The following TRPV3 variants were observed in gnomAD, a reference collection of about 807,000 sequenced individuals.
TRPV3 encodes the protein transient receptor potential cation channel subfamily V member 3.
In TRPV3, 88 loss-of-function variants were observed where a neutral mutation model predicts 87.1. The observed-to-expected ratio is 1.01, with a 90% CI of 0.85 to 1.21. TRPV3 has a LOEUF of 1.21. Among genes scored for constraint, TRPV3 ranks in the 50% most tolerant of loss-of-function variants. The probability of loss-of-function intolerance (pLI) is 0.00; values close to 1 mark genes in which losing one functional copy is unlikely to be tolerated. For missense variants in TRPV3, 1,054 were observed against 1,030.1 expected (o/e 1.02, Z -0.32); for synonymous variants, 438 against 423.3 (o/e 1.03, Z -0.43).
rs1699138 is a variant in TRPV3, at chr17:3,549,024, T to A, written c.120-3753A>T. The stretch of plus-strand genomic sequence containing the variant: ...CGGCCCTGCAGTGCCCCAGAACTTT[T>A]GCCCTAAAGTAGTCGCTCCGCAACA... On this transcript the variant is annotated intron_variant, in intron 2 of 17. Coordinates refer to ENST00000576742, the MANE Select transcript of TRPV3 (RefSeq NM_145068.4). Among the ~76,000 whole-genome samples the A allele has an allele frequency of 3.9e-5, 6 of 151,980 alleles. No individual in the cohort carries two copies. In the East Asian group the frequency reaches 9.7e-4, roughly 25 times the overall value.
intron 2 of TRPV3, chr17:3,552,580 C>A (rs2074588252): frequency 6.6e-6 from 1 of 152,252 alleles, no homozygotes; most frequent in Non-Finnish European, 1.5e-5. Context: ...CATGAGGGTC[C>A]TCAGAGGGCC....
In TRPV3 at chr17:3,544,506, G is replaced by A. The variant is rs1003646041; in HGVS notation, c.311+73C>T. The A allele has an allele frequency of 1.6e-5, 15 of 928,934 alleles. No homozygotes were observed. In the East Asian group the frequency reaches 4.0e-4, roughly 25 times the overall value. The allele number at this position is 928,934 out of a possible 1,614,324, so 57.5% of individuals were successfully genotyped here. A position where few individuals can be genotyped will look rare whatever the true frequency, so the allele number is the denominator to read the frequency against. On this transcript the variant is annotated intron_variant, in intron 4 of 17. Coordinates refer to ENST00000576742, the MANE Select transcript of TRPV3 (RefSeq NM_145068.4). ...GTGGATTCTTTCTCCTTCCTGCAGG[G>A]CCCCGGATCCTGTCTCTCTGGCACC...
rs532452373 is a variant in TRPV3 at position 3,531,538 on chromosome 17, C to T, written c.1065+1119G>A. Among the ~76,000 whole-genome samples, 16 of 152,318 alleles carry T rather than the reference C, an allele frequency of 1.1e-4. No individual in the cohort carries two copies. The East Asian group carries it at 3.1e-3, about 29-fold the overall frequency. On this transcript the variant is annotated intron_variant, in intron 8 of 17. Transcript: ENST00000576742. The stretch of plus-strand genomic sequence containing the variant: ...GCGGGAGACAGGTGCCTCCCCCGGG[C>T]CGGCCACAGCGGGCACACTGTCCCC...
chr17:3,541,020 AC>A (rs772320271), intron 6 of TRPV3, among the ~76,000 whole-genome samples: 2 of 152,252 alleles, frequency 1.3e-5, no homozygotes, highest in Non-Finnish European at 2.9e-5. Flanking sequence ...AATCACAATT[AC>A]TTTCTCCCAT....
chr17:3,525,621 A>ATT (rs35398071), intron 12 of TRPV3, among the ~76,000 whole-genome samples: 24 of 143,492 alleles, frequency 1.7e-4, no homozygotes, highest in East Asian at 1.6e-3. Flanking sequence ...ACCACAATTA[A>ATT]TTTTTTTTTT....
chr17:3,515,969 C>T (rs1434907113), intron 16 of TRPV3, among the ~76,000 whole-genome samples: 1 of 152,062 alleles, frequency 6.6e-6, no homozygotes, highest in African/African-American at 2.4e-5. Context: ...GGTGGATCAC[C>T]TGAGGTCAGG....
rs528165029 is a variant in TRPV3, at chr17:3,556,126, G to A, written c.-2-1274C>T. Among the ~76,000 whole-genome samples the A allele has an allele frequency of 3.3e-5, 5 of 151,598 alleles. No individual in the cohort carries two copies. Among genetic ancestry groups the A allele is most frequent in the Non-Finnish European group, 5.9e-5 (4 of 67,902 alleles). The stretch of plus-strand genomic sequence containing the variant: ...CAGGAGGCAGAGGTTGGATTGAGCC[G>A]AGATTGTGCCACTGCACTCCAGCCT... On this transcript the variant is annotated intron_variant, in intron 1 of 17. Transcript: ENST00000576742. This position sits in a 1 kb window ranked among gnomAD's most constrained non-coding sequence, Gnocchi z 4.2.
At position 3,543,836 on chromosome 17, in the gene TRPV3, C is replaced by T. The variant is rs322936; in HGVS notation, c.312-208G>A. Among the ~76,000 whole-genome samples the T allele has an allele frequency of 0.88, 133,614 of 152,160 alleles. 60,904 individuals carry two copies. Among genetic ancestry groups the T allele is most frequent in the East Asian group, 0.99 (5,147 of 5,178 alleles). On this transcript the variant is annotated intron_variant, in intron 4 of 17. Transcript: ENST00000576742. The stretch of plus-strand genomic sequence containing the variant: ...CAATCACATTTTGTCAAAATACCTA[C>T]ATTTGGATGCATGAAGTAATGATCA...
At chr17:3,554,885 CG>C (rs2074612963) in intron 1 of TRPV3, 33 bp from the exon 2 acceptor site, 14 of 1,503,198 alleles carry the variant, frequency 9.3e-6, no homozygotes, top group Admixed American at 1.8e-5. Flanking sequence ...ATGCTCAGGC[CG>C]GGGGGACAGG....
In TRPV3 at chr17:3,518,619, A is replaced by C; in HGVS notation, c.2042T>G (p.Val681Gly). The change falls in exon 15 of 18, where the codon GTG becomes GGG. Residue 681 changes from valine to glycine, a missense_variant. By Grantham distance (109) the Val-to-Gly change is moderately radical (BLOSUM62 -3). Coordinates refer to ENST00000576742, the MANE Select transcript of TRPV3 (RefSeq NM_145068.4). The surrounding 1 kb of genome is among the most constrained non-coding windows in gnomAD (Gnocchi z 4.3). ...NMLIALMGET[V>G]ENVSKESERI... ...TTCGCTCTCCTTGGAGACGTTCTCC[A>C]CAGTCTCGCCCATCAGAGCAATGAG... The C allele has an allele frequency of 6.3e-7, 1 of 1,575,512 alleles. No homozygotes were observed. The highest frequency in any genetic ancestry group is 8.6e-7 in the Non-Finnish European group (1 of 1,159,348).
At chr17:3,523,711 T>C (rs12602192) in intron 13 of TRPV3, among the ~76,000 whole-genome samples, 81,111 of 141,956 alleles carry the variant, frequency 0.57, 24,093 homozygotes, top group East Asian at 0.88. Context: ...GAGCAAGACT[T>C]GGTCTCCAAA....
At chr17:3,517,431 C>A (rs1031784889) in intron 15 of TRPV3, among the ~76,000 whole-genome samples, 1 of 151,840 alleles carries the variant, frequency 6.6e-6, no homozygotes. Context: ...CCAGCCTAGG[C>A]AACATGGTGA....
At chr17:3,537,659 T>C (rs1239305968) in intron 6 of TRPV3, among the ~76,000 whole-genome samples, 1 of 152,070 alleles carries the variant, frequency 6.6e-6, no homozygotes, top group African/African-American at 2.4e-5. Flanking sequence ...ATCCCAGCAC[T>C]TTGGGAAGCC....
Position 3,556,608 on chromosome 17 carries a change from T to G in TRPV3, c.-3+1068A>C, listed in dbSNP as rs532788259. ...AATAGGAAAGCTTCCTGGAGGAAGT[T>G]TCCGGAGCCAGGTGTCATCAGGCTG... is the stretch of plus-strand genomic sequence containing the variant. On this transcript the variant is annotated intron_variant, in intron 1 of 17. Coordinates refer to ENST00000576742, the MANE Select transcript of TRPV3 (RefSeq NM_145068.4). This position sits in a 1 kb window ranked among gnomAD's most constrained non-coding sequence, Gnocchi z 4.2. 8.5e-5 allele frequency among the ~76,000 whole-genome samples: 13 copies of G among 152,100 alleles called. No individual in the cohort carries two copies. The highest frequency in any genetic ancestry group is 1.6e-4 in the Non-Finnish European group (11 of 67,992).
intron 6 of TRPV3, 34 bp downstream of exon 6, chr17:3,542,488 T>G (rs778655069): frequency 1.9e-6 from 3 of 1,598,844 alleles, no homozygotes; most frequent in Non-Finnish European, 2.6e-6. Flanking sequence ...CCTCAGAGAC[T>G]CCTGTCTGCA....
chr17:3,525,799 T>C (rs2074294897), intron 12 of TRPV3, among the ~76,000 whole-genome samples: 1 of 151,996 alleles, frequency 6.6e-6, no homozygotes, highest in Admixed American at 6.6e-5. Flanking sequence ...TTTTTGTATT[T>C]TTTGTAGAGA....
intron 14 of TRPV3, among the ~76,000 whole-genome samples, chr17:3,519,690 T>TTGGATGGAAGGATAGATGGA (rs2074222569): frequency 3.1e-5 from 1 of 32,664 alleles, no homozygotes; most frequent in Non-Finnish European, 6.3e-5. Flanking sequence ...GGATGGATGA[T>TTGGATGGAAGGATAGATGGA]TGGATGGATG....
intron 6 of TRPV3, among the ~76,000 whole-genome samples, chr17:3,541,343 A>G (rs1418756119): frequency 6.6e-6 from 1 of 152,186 alleles, no homozygotes; most frequent in Non-Finnish European, 1.5e-5. Flanking sequence ...ACTCCAGCCT[A>G]GGCAACAGAG....
chr17:3,530,272 C>T lies in TRPV3; in HGVS notation c.1066-69G>A. 6.6e-7 allele frequency: 1 copy of T among 1,504,980 alleles called. No homozygotes were observed. The highest frequency in any genetic ancestry group is 9.0e-7 in the Non-Finnish European group (1 of 1,116,278). The allele number at this position is 1,504,980 out of a possible 1,614,324, so 93.2% of individuals were successfully genotyped here. A position where few individuals can be genotyped will look rare whatever the true frequency, so the allele number is the denominator to read the frequency against. On this transcript the variant is annotated intron_variant, in intron 8 of 17. Transcript: ENST00000576742. The surrounding 1 kb of genome is among the most constrained non-coding windows in gnomAD (Gnocchi z 4.0). ...TTAAGGCCAACAGGGCTGGACCAGC[C>T]AGAGGCTGGCTGGGCCCAGGGGATA...
Sources: gnomAD v4.1 joint callset for allele counts (sites outside exome capture counted in the v4.1 genomes callset) on GRCh38, gnomAD v4.1.1 for gene constraint, Gnocchi (gnomAD v3.1) non-coding constraint, MANE v1.5 for transcripts, NCBI Gene and HGNC (gene_info 2026-07-23, HGNC 2026-07-21) for gene names.